LINGO1: variants seen among roughly 807,000 people sequenced by gnomAD.
LINGO1 encodes the protein leucine rich repeat and Ig domain containing 1.
Under a neutral mutation model 37.3 loss-of-function variants are expected in LINGO1, and 11 were observed. The ratio of observed to expected loss-of-function variants is 0.29; its 90% CI spans 0.19 to 0.49. The LOEUF is 0.49. Among genes scored for constraint, LINGO1 ranks in the 20% least tolerant of loss-of-function variants. The probability of loss-of-function intolerance (pLI) is 0.99; values close to 1 mark genes in which losing one functional copy is unlikely to be tolerated. For synonymous variants in LINGO1, 387 were observed against 403.0 expected (o/e 0.96, Z 0.48); for missense variants, 585 against 878.2 (o/e 0.67, Z 4.22).
intron 1 of LINGO1, chr15:77,819,555 C>G (rs1387346908): frequency 7.3e-6 from 1 of 137,920 alleles, no homozygotes; most frequent in Non-Finnish European, 1.6e-5. Flanking sequence ...CGCGCCCCCA[C>G]TGCCCGGCGC....
At chr15:77,757,157 T>A (rs1038281057) in intron 1 of LINGO1, among the ~76,000 whole-genome samples, 14 of 152,222 alleles carry the variant, frequency 9.2e-5, no homozygotes, top group African/African-American at 3.1e-4. Flanking sequence ...TGTCCCTGAT[T>A]CAAGGGCCAC....
intron 1 of LINGO1, among the ~76,000 whole-genome samples, chr15:77,786,187 G>A (rs2076768844): frequency 6.6e-6 from 1 of 152,150 alleles, no homozygotes; most frequent in African/African-American, 2.4e-5. Flanking sequence ...CCAGCCCTGG[G>A]CCCAGCAGGT....
chr15:77,705,395 C>G (rs1031498435), intron 2 of LINGO1, among the ~76,000 whole-genome samples: 5 of 152,184 alleles, frequency 3.3e-5, no homozygotes, highest in African/African-American at 4.8e-5. Context: ...GGCTCACTGT[C>G]CAAGGGGAGA....
intron 1 of LINGO1, among the ~76,000 whole-genome samples, chr15:77,773,364 C>A (rs2076604715): frequency 1.3e-5 from 2 of 152,172 alleles, no homozygotes; most frequent in South Asian, 4.1e-4. Context: ...GTGTGCCAGG[C>A]TTGAGTGAAA....
intron 2 of LINGO1, among the ~76,000 whole-genome samples, chr15:77,689,460 TG>T (rs2075566457): frequency 6.6e-6 from 1 of 152,200 alleles, no homozygotes; most frequent in Non-Finnish European, 1.5e-5. Context: ...GGTGGGCTGC[TG>T]CAGCTCAATG....
At chr15:77,787,617 A>G (rs1010224396), upstream of LINGO1, among the ~76,000 whole-genome samples, 5 of 151,600 alleles carry the variant, frequency 3.3e-5, no homozygotes, top group Non-Finnish European at 7.4e-5. Context: ...CCCCATGCCA[A>G]CCTCCCTGCC....
At chr15:77,808,122 C>A (rs935009108) in intron 1 of LINGO1, among the ~76,000 whole-genome samples, 1 of 152,124 alleles carries the variant, frequency 6.6e-6, no homozygotes, top group African/African-American at 2.4e-5. Flanking sequence ...CCATGGCCCC[C>A]AGCCACCAGA....
chr15:77,818,151 C>A (rs2141491015), intron 1 of LINGO1, among the ~76,000 whole-genome samples: 1 of 152,306 alleles, frequency 6.6e-6, no homozygotes, highest in African/African-American at 2.4e-5. Flanking sequence ...GACTCAGGAG[C>A]AACCAGAGAA....
chr15:77,645,284 C>T lies in LINGO1; in HGVS notation c.-12-29384G>A, dbSNP rs79787901. On this transcript the variant is annotated intron_variant, in intron 3 of 3. Transcript: ENST00000559893. ...CCAGCCAGCTTGTAGGGACTCCACA[C>T]ATCACAGCCCAAGACGCTGGGACAG... Among the ~76,000 whole-genome samples the T allele has an allele frequency of 3.9e-5, 6 of 152,012 alleles. No homozygotes were observed. In the East Asian group the frequency reaches 1.2e-3, roughly 30 times the overall value.
chr15:77,762,879 C>T (rs2141386362), intron 1 of LINGO1, among the ~76,000 whole-genome samples: 1 of 152,284 alleles, frequency 6.6e-6, no homozygotes, highest in South Asian at 2.1e-4. Flanking sequence ...ACCTACCTCC[C>T]TACAGGGCAG....
chr15:77,632,528 G>T lies in LINGO1; in HGVS notation c.-213C>A. On this transcript the variant is annotated 5_prime_UTR_variant, in exon 1 of 2. Coordinates refer to ENST00000355300, the MANE Select transcript of LINGO1 (RefSeq NM_032808.7). The surrounding 1 kb of genome is among the most constrained non-coding windows in gnomAD (Gnocchi z 6.0). ...AGCCGGAGCCGGGGCCGGGGCTCGG[G>T]AGTGGGGAGGCGGGAGGCCGCGGCC... 1 of 322,636 alleles carries T rather than the reference G, an allele frequency of 3.1e-6. No individual in the cohort carries two copies. The highest frequency in any genetic ancestry group is 5.3e-6 in the Non-Finnish European group (1 of 188,160). 20.0% of individuals were successfully genotyped at this position (322,636 alleles called of 1,614,324 possible).
At position 77,649,952 on chromosome 15, in the gene LINGO1, C is replaced by T. The variant is rs181768543; in HGVS notation, c.-13+27137G>A. On this transcript the variant is annotated intron_variant, in intron 3 of 3. Coordinates refer to the LINGO1 transcript ENST00000559893. ...CTAGAGAGCCAGCAAGACTTAGTTC[C>T]AGGTCCACCCAGCCACTGGGTAACA... Among the ~76,000 whole-genome samples, 74 of 152,366 alleles carry T rather than the reference C, an allele frequency of 4.9e-4. No individual in the cohort carries two copies. The East Asian group carries it at 0.013, about 27-fold the overall frequency.
At chr15:77,699,669 C>T (rs1051369254), upstream of LINGO1, among the ~76,000 whole-genome samples, 1 of 137,604 alleles carries the variant, frequency 7.3e-6, no homozygotes, top group Non-Finnish European at 1.6e-5. Flanking sequence ...TAAGCACATA[C>T]TAACCATCAT....
intron 1 of LINGO1, among the ~76,000 whole-genome samples, chr15:77,735,350 G>A (rs1567554139): frequency 2.0e-5 from 3 of 152,190 alleles, no homozygotes; most frequent in Non-Finnish European, 2.9e-5. Flanking sequence ...GACTTGCAGC[G>A]CAGCCCCCAC....
At chr15:77,710,275 T>C (rs996139519) in intron 2 of LINGO1, among the ~76,000 whole-genome samples, 9 of 152,174 alleles carry the variant, frequency 5.9e-5, no homozygotes, top group Non-Finnish European at 1.2e-4. Flanking sequence ...AGCAGGAGCA[T>C]GGCCAAGCTT....
chr15:77,680,925 G>C (rs559022991), intron 2 of LINGO1, among the ~76,000 whole-genome samples: 1 of 152,166 alleles, frequency 6.6e-6, no homozygotes, highest in Non-Finnish European at 1.5e-5. Flanking sequence ...GGGACAACAC[G>C]AGGAACAAGG....
In LINGO1 at chr15:77,718,759, T is replaced by C. The variant is rs562817777; in HGVS notation, c.-195+16233A>G. Among the ~76,000 whole-genome samples, 70 of 150,868 alleles carry C rather than the reference T, an allele frequency of 4.6e-4. 3 individuals are homozygous for C. Among genetic ancestry groups the C allele is most frequent in the African/African-American group, 1.6e-3 (65 of 41,506 alleles). The stretch of plus-strand genomic sequence containing the variant: ...CCCTGGGGTCAGGATGCCTGGGCTC[T>C]GTGCCTGCCCCAGCCCCTGGTTCCC... On this transcript the variant is annotated intron_variant, in intron 2 of 3. Coordinates refer to the LINGO1 transcript ENST00000561686.
chr15:77,806,168 T>C (rs1001768285), intron 1 of LINGO1, among the ~76,000 whole-genome samples: 1 of 152,122 alleles, frequency 6.6e-6, no homozygotes, highest in Non-Finnish European at 1.5e-5. Flanking sequence ...ACGGAGGGCT[T>C]CCCGGCAGAT....
chr15:77,678,635 G>T (rs182312069), intron 2 of LINGO1, among the ~76,000 whole-genome samples: 1 of 152,308 alleles, frequency 6.6e-6, no homozygotes, highest in Admixed American at 6.5e-5. Context: ...TTCACATACA[G>T]GTTTTTGTGT....
Sources: allele counts gnomAD v4.1 joint callset (sites outside exome capture counted in the v4.1 genomes callset), GRCh38; gene constraint gnomAD v4.1.1; non-coding constraint Gnocchi (gnomAD v3.1); transcripts MANE v1.5; gene names NCBI Gene and HGNC (gene_info 2026-07-23, HGNC 2026-07-21).